The following NBPF9 variants were observed in gnomAD, a reference collection of about 807,000 sequenced individuals.
NBPF9 encodes the protein NBPF family member NBPF9.
In NBPF9, 91 loss-of-function variants were observed where a neutral mutation model predicts 97.8. The ratio of observed to expected loss-of-function variants is 0.93; its 90% CI spans 0.79 to 1.11. NBPF9 has a LOEUF of 1.11. Among genes scored for constraint, NBPF9 ranks in the 50% least tolerant of loss-of-function variants. The probability of loss-of-function intolerance (pLI) is 0.00; values close to 1 mark genes in which losing one functional copy is unlikely to be tolerated. For synonymous variants in NBPF9, 334 were observed against 359.5 expected (o/e 0.93, Z 0.80); for missense variants, 992 against 939.5 (o/e 1.06, Z -0.73).
At position 149,087,697 on chromosome 1, in the gene NBPF9, T is replaced by G. The variant is rs1172893711; in HGVS notation, c.-195+3056A>C. On this transcript the variant is annotated intron_variant, in intron 5 of 29. Coordinates refer to ENST00000584027, the Ensembl canonical transcript of NBPF9. ...GAGATCAATTTACGAAGAACTGACT[T>G]TTTAAACATAACAACTCTTCTGATC... 4.0e-5 allele frequency among the ~76,000 whole-genome samples: 6 copies of G among 151,202 alleles called. No homozygotes were observed. The East Asian group carries it at 1.2e-3, about 30-fold the overall frequency.
intron 21 of NBPF9, 82 bp downstream of exon 21, chr1:149,062,780 T>C (rs587655186): frequency 9.6e-5 from 74 of 771,040 alleles, no homozygotes; most frequent in African/African-American, 8.0e-4. Flanking sequence ...AAACATGAAA[T>C]TGAACACACT....
chr1:149,070,781 A>G (rs587653561), intron 16 of NBPF9, among the ~76,000 whole-genome samples, 153 bp downstream of exon 16: 6 of 152,258 alleles, frequency 3.9e-5, no homozygotes, highest in Non-Finnish European at 8.8e-5. Context: ...AAGGCATGAC[A>G]TTAGCTGAGA....
intron 10 of NBPF9, 110 bp downstream of exon 10, chr1:149,077,773 G>C: frequency 6.8e-7 from 1 of 1,467,770 alleles, no homozygotes; most frequent in East Asian, 2.3e-5. Flanking sequence ...CACATACTGT[G>C]GCCAAGGGGA....
intron 11 of NBPF9, among the ~76,000 whole-genome samples, 171 bp downstream of exon 11, chr1:149,077,037 G>C (rs61810899): frequency 7.3e-5 from 11 of 150,464 alleles, no homozygotes; most frequent in African/African-American, 2.4e-4. Flanking sequence ...TCAAGTCATC[G>C]TCCCACTTGG....
chr1:149,103,027 C>T (rs587719044), intron 1 of NBPF9, among the ~76,000 whole-genome samples, 180 bp from the exon 2 acceptor site: 4 of 151,880 alleles, frequency 2.6e-5, no homozygotes, highest in Admixed American at 6.6e-5. Flanking sequence ...CGAAGCTGCT[C>T]GTCCCTCCAC....
At position 149,099,231 on chromosome 1, in the gene NBPF9, C is replaced by T. The variant is rs868958846; in HGVS notation, c.-605-525G>A. On this transcript the variant is annotated intron_variant, in intron 3 of 29. Transcript: ENST00000584027. ...TCTCATCTACTGGTCTATCTGTACA[C>T]GTATATTCTACAGGCTATCTCGCTG... Among the ~76,000 whole-genome samples, 536 of 152,330 alleles carry T rather than the reference C, an allele frequency of 3.5e-3. 3 individuals are homozygous for T. Among genetic ancestry groups the T allele is most frequent in the Non-Finnish European group, 4.3e-3 (290 of 68,038 alleles).
At chr1:149,055,729 T>G (rs1274576025) in exon 30 of NBPF9, 1 of 1,611,840 alleles carries the variant, frequency 6.2e-7, no homozygotes, top group African/African-American at 1.3e-5. Context: ...AAACCTATTG[T>G]CCACGTAAAG....
Position 149,083,987 on chromosome 1 carries a change from C to T in NBPF9, c.-194-1557G>A, listed in dbSNP as rs369790728. On this transcript the variant is annotated intron_variant, in intron 5 of 29. Transcript: ENST00000584027. ...CAACAAATATTATTTCACTCAAAAT[C>T]GTTTTACTTAAAAGTCTTTCATTTC... Among the ~76,000 whole-genome samples the T allele has an allele frequency of 2.0e-5, 3 of 148,654 alleles. No homozygotes were observed. The East Asian group carries it at 5.9e-4, about 29-fold the overall frequency.
chr1:149,082,130 A>G, exon 7 of NBPF9: 4 of 1,612,024 alleles, frequency 2.5e-6, no homozygotes, highest in Non-Finnish European at 3.4e-6. Context: ...GGGCCGGCTG[A>G]TACCACCATG....
At chr1:149,099,087 T>G (rs1250687025) in intron 3 of NBPF9, among the ~76,000 whole-genome samples, 3 of 151,540 alleles carry the variant, frequency 2.0e-5, no homozygotes, top group African/African-American at 7.3e-5. Context: ...GACTAAATAC[T>G]TGAGTAGCCA....
At chr1:149,078,590 T>G (rs1559532914) in intron 9 of NBPF9, among the ~76,000 whole-genome samples, 11 of 126,306 alleles carry the variant, frequency 8.7e-5, no homozygotes, top group South Asian at 3.1e-4. Flanking sequence ...TTTGTCTGCC[T>G]TTGCAGATGG....
intron 4 of NBPF9, among the ~76,000 whole-genome samples, chr1:149,094,950 A>G (rs1553661065): frequency 6.8e-6 from 1 of 147,658 alleles, no homozygotes; most frequent in South Asian, 2.1e-4. Context: ...CACCTTGAAG[A>G]CCAGACTAAG....
At chr1:149,103,185 A>ACCCCCCCC (rs2082264486) in intron 1 of NBPF9, 116 bp downstream of exon 1, 6 of 95,978 alleles carry the variant, frequency 6.3e-5, no homozygotes, top group Non-Finnish European at 1.1e-4. Flanking sequence ...CCAACCCCCC[A>ACCCCCCCC]CCCCGCCTCG....
At chr1:149,084,716 T>G (rs1362478067) in intron 5 of NBPF9, among the ~76,000 whole-genome samples, 1 of 151,500 alleles carries the variant, frequency 6.6e-6, no homozygotes, top group Non-Finnish European at 1.5e-5. Context: ...AAAACCTTCC[T>G]CAACATCACG....
At chr1:149,055,837 C>T (rs1254814650) in exon 30 of NBPF9, 8 of 1,605,612 alleles carry the variant, frequency 5.0e-6, no homozygotes, top group Middle Eastern at 4.5e-4. Context: ...AGTAGAATAA[C>T]ATCCATCCAG....
rs1401769291 is a variant in NBPF9 at position 149,082,429 on chromosome 1, G to A, written c.-193C>T. The stretch of plus-strand genomic sequence containing the variant: ...ATTGTGGCCAGCGTGCCAGGTAACC[G>A]TCTGCAGTTGCAATAACAGAATTAG... On this transcript the variant is annotated splice_region_variant and 5_prime_UTR_variant, in exon 6 of 30. The change creates a new upstream start codon in the 5' untranslated region. Coordinates refer to ENST00000584027, the Ensembl canonical transcript of NBPF9. 56 of 871,882 alleles carry A rather than the reference G, an allele frequency of 6.4e-5. No individual in the cohort carries two copies. The highest frequency in any genetic ancestry group is 1.4e-4 in the East Asian group (5 of 35,474). 54.0% of individuals were successfully genotyped at this position (871,882 alleles called of 1,614,324 possible).
intron 2 of NBPF9, among the ~76,000 whole-genome samples, chr1:149,101,742 A>G (rs1223476222): frequency 1.3e-5 from 2 of 152,120 alleles, no homozygotes; most frequent in African/African-American, 4.8e-5. Flanking sequence ...TGGGGTAACC[A>G]GAATATCCCT....
At chr1:149,091,449 CTG>C (rs1401558336) in intron 4 of NBPF9, among the ~76,000 whole-genome samples, 6 of 150,680 alleles carry the variant, frequency 4.0e-5, no homozygotes, top group African/African-American at 1.2e-4. Context: ...GATCAATAAA[CTG>C]TGATACATTC....
intron 7 of NBPF9, among the ~76,000 whole-genome samples, chr1:149,081,244 C>T (rs587742493): frequency 2.2e-4 from 33 of 151,008 alleles, no homozygotes; most frequent in South Asian, 4.2e-4. Flanking sequence ...CTCAGCCTCC[C>T]GATTAGTGGT....
Sources: allele counts gnomAD v4.1 joint callset (sites outside exome capture counted in the v4.1 genomes callset), GRCh38; gene constraint gnomAD v4.1.1; transcripts MANE v1.5; gene names NCBI Gene and HGNC (gene_info 2026-07-23, HGNC 2026-07-21).